The following MAST2 variants were observed in gnomAD, a reference collection of about 807,000 sequenced individuals.
MAST2 encodes the protein microtubule-associated serine/threonine-protein kinase 2.
In MAST2, 70 loss-of-function variants were observed where a neutral mutation model predicts 147.4. That is an observed-to-expected ratio of 0.47 (90% CI 0.39 to 0.58). The LOEUF is 0.58. Ranked by LOEUF, MAST2 falls within the 20% of genes least tolerant of loss-of-function variation. The probability of loss-of-function intolerance (pLI) is 0.00; values close to 1 mark genes in which losing one functional copy is unlikely to be tolerated. For missense variants in MAST2, 2,080 were observed against 2,302.3 expected (o/e 0.90, Z 1.98); for synonymous variants, 869 against 896.8 (o/e 0.97, Z 0.55).
At chr1:45,876,448 CAA>C (rs1033380769) in intron 3 of MAST2, among the ~76,000 whole-genome samples, 7 of 152,106 alleles carry the variant, frequency 4.6e-5, no homozygotes, top group African/African-American at 1.7e-4. Flanking sequence ...CATGAAGAGT[CAA>C]GAGATAATGA....
chr1:46,013,406 T>C (rs923865572), intron 10 of MAST2, among the ~76,000 whole-genome samples: 2 of 151,952 alleles, frequency 1.3e-5, no homozygotes, highest in Non-Finnish European at 2.9e-5. Flanking sequence ...CAGGGCCAGG[T>C]GCGGTGGCTC....
intron 2 of MAST2, among the ~76,000 whole-genome samples, chr1:45,826,429 TGC>T (rs1163579031): frequency 1.3e-5 from 2 of 152,172 alleles, no homozygotes; most frequent in Non-Finnish European, 2.9e-5. Flanking sequence ...CTCAGCTCAC[TGC>T]AACCTCTGCC....
At chr1:45,889,072 CCTTT>C (rs945283184) in intron 4 of MAST2, among the ~76,000 whole-genome samples, 4 of 152,190 alleles carry the variant, frequency 2.6e-5, no homozygotes, top group Non-Finnish European at 5.9e-5. Flanking sequence ...TCCTAACTGG[CCTTT>C]CTTTATCTGG....
intron 3 of MAST2, among the ~76,000 whole-genome samples, chr1:45,866,847 ATTCT>A (rs1442794249): frequency 6.6e-6 from 1 of 151,586 alleles, no homozygotes; most frequent in Non-Finnish European, 1.5e-5. Context: ...GGTTCAAGTG[ATTCT>A]CCTGCCTCTG....
chr1:45,846,268 T>C (rs1333221207), intron 3 of MAST2, among the ~76,000 whole-genome samples: 1 of 152,208 alleles, frequency 6.6e-6, no homozygotes, highest in Non-Finnish European at 1.5e-5. Context: ...AATTTGATAT[T>C]ATTACTGAAA....
chr1:45,932,007 A>G (rs1205226125), intron 4 of MAST2, among the ~76,000 whole-genome samples: 2 of 152,220 alleles, frequency 1.3e-5, no homozygotes, highest in Non-Finnish European at 1.5e-5. Flanking sequence ...TGTTCTTCTC[A>G]TTGTGTCCTG....
In MAST2 at chr1:45,980,795, C is replaced by G. The variant is rs183711667; in HGVS notation, c.593-16929C>G. Among the ~76,000 whole-genome samples, 811 of 152,212 alleles carry G rather than the reference C, an allele frequency of 5.3e-3. 15 individuals are homozygous for G. Among genetic ancestry groups the G allele is most frequent in the Admixed American group, 0.035 (542 of 15,290 alleles). ...AAGTGATCCTCCTGCCTTGGCCTCC[C>G]AAAGTGCTAGAATTACAAGTGTGAG... is the stretch of plus-strand genomic sequence containing the variant. On this transcript the variant is annotated intron_variant, in intron 5 of 28. Transcript: ENST00000361297.
intron 6 of MAST2, among the ~76,000 whole-genome samples, chr1:46,000,777 A>C (rs183441104): frequency 6.6e-6 from 1 of 152,328 alleles, no homozygotes; most frequent in African/African-American, 2.4e-5. Flanking sequence ...TGCAATGTCA[A>C]ACAAAAGACA....
At chr1:45,967,768 C>T (rs968051632) in intron 5 of MAST2, among the ~76,000 whole-genome samples, 2 of 152,132 alleles carry the variant, frequency 1.3e-5, no homozygotes, top group Non-Finnish European at 2.9e-5. Context: ...ACAGTTCAAA[C>T]CTGTGTTGTT....
At chr1:45,949,654 G>A (rs1467417692) in intron 4 of MAST2, among the ~76,000 whole-genome samples, 1 of 152,166 alleles carries the variant, frequency 6.6e-6, no homozygotes, top group Non-Finnish European at 1.5e-5. Flanking sequence ...GTGGAAAGCA[G>A]TATGGTGATT....
At chr1:45,963,929 C>G (rs2148939061) in intron 5 of MAST2, among the ~76,000 whole-genome samples, 1 of 152,212 alleles carries the variant, frequency 6.6e-6, no homozygotes, top group East Asian at 1.9e-4. Flanking sequence ...GCATGAAGTG[C>G]TGTTGAATTT....
At chr1:45,989,762 C>T (rs1644789554) in intron 5 of MAST2, among the ~76,000 whole-genome samples, 1 of 152,086 alleles carries the variant, frequency 6.6e-6, no homozygotes, top group Non-Finnish European at 1.5e-5. Context: ...TTCCCGCTGG[C>T]ACCATTGATT....
chr1:45,827,195 GTC>G (rs1644820498), intron 2 of MAST2, among the ~76,000 whole-genome samples: 2 of 152,168 alleles, frequency 1.3e-5, no homozygotes, highest in African/African-American at 4.8e-5. Context: ...CATGTGCTTG[GTC>G]TGCCATCTTT....
intron 3 of MAST2, among the ~76,000 whole-genome samples, chr1:45,851,518 A>C (rs955556472): frequency 1.3e-5 from 2 of 152,162 alleles, no homozygotes; most frequent in South Asian, 4.1e-4. Context: ...AGCAGTCAGG[A>C]GAGTAGACAT....
At chr1:45,906,793 CTTTACA>C (rs1298140514) in intron 4 of MAST2, among the ~76,000 whole-genome samples, 1 of 151,940 alleles carries the variant, frequency 6.6e-6, no homozygotes, top group Non-Finnish European at 1.5e-5. Flanking sequence ...TGTGCTAGAT[CTTTACA>C]TTTACTCACC....
intron 5 of MAST2, among the ~76,000 whole-genome samples, chr1:45,990,865 G>A (rs150592427): frequency 1.3e-5 from 2 of 152,012 alleles, no homozygotes; most frequent in South Asian, 2.1e-4. Context: ...TTTTGCAGAA[G>A]TTCTTAATTT....
chr1:45,810,544 G>A (rs1222777967), intron 1 of MAST2, among the ~76,000 whole-genome samples: 4 of 152,112 alleles, frequency 2.6e-5, no homozygotes, highest in Non-Finnish European at 1.5e-5. Flanking sequence ...GGGTGTGGTG[G>A]CTCACGCCTG....
chr1:45,873,018 G>A (rs111590895), intron 3 of MAST2, among the ~76,000 whole-genome samples: 1 of 152,026 alleles, frequency 6.6e-6, no homozygotes, highest in Non-Finnish European at 1.5e-5. Flanking sequence ...GGTCCAAATG[G>A]TAATAAAATT....
Position 45,814,465 on chromosome 1 carries a change from T to C in MAST2, c.178-9968T>C, listed in dbSNP as rs907748226. 9.9e-5 allele frequency among the ~76,000 whole-genome samples: 15 copies of C among 152,094 alleles called. 1 individual carries two copies. The highest frequency in any genetic ancestry group is 3.6e-4 in the African/African-American group (15 of 41,414). On this transcript the variant is annotated intron_variant, in intron 1 of 28. Coordinates refer to ENST00000361297, the MANE Select transcript of MAST2 (RefSeq NM_015112.3). ...CTTTCTAACAAAACAGTTTAAAAAG[T>C]AAAAAAAGAAAATTTTTTTAATAGA...
Sources: gnomAD v4.1 joint callset for allele counts (sites outside exome capture counted in the v4.1 genomes callset) on GRCh38, gnomAD v4.1.1 for gene constraint, MANE v1.5 for transcripts, NCBI Gene and HGNC (gene_info 2026-07-23, HGNC 2026-07-21) for gene names.